CNTN5: variants seen among roughly 807,000 people sequenced by gnomAD.
CNTN5 encodes contactin-5.
CNTN5 carries 77 observed loss-of-function variants against 129.1 expected under a neutral mutation model. The ratio of observed to expected loss-of-function variants is 0.60; its 90% CI spans 0.50 to 0.72. The LOEUF is 0.72. Ranked by LOEUF, CNTN5 falls within the 30% of genes least tolerant of loss-of-function variation. The pLI, the probability that CNTN5 is intolerant of heterozygous loss-of-function variation, is 0.00. For missense variants in CNTN5, 1,478 were observed against 1,328.8 expected, an observed-to-expected ratio of 1.11 and a Z score of -1.75; for synonymous variants, 509 against 465.6, an observed-to-expected ratio of 1.09 and a Z score of -1.20.
intron 3 of CNTN5, among the ~76,000 whole-genome samples, chr11:99,639,836 T>A (rs1425722230): frequency 6.6e-6 from 1 of 152,134 alleles, no homozygotes; most frequent in Admixed American, 6.5e-5. Flanking sequence ...AGTGCTGGGA[T>A]TACCGGTGTG....
intron 9 of CNTN5, among the ~76,000 whole-genome samples, chr11:100,021,919 A>G (rs1417529841): frequency 1.3e-5 from 2 of 152,198 alleles, no homozygotes; most frequent in Non-Finnish European, 2.9e-5. Flanking sequence ...GCAGGAAGCA[A>G]CCAGCACAGG....
intron 2 of CNTN5, among the ~76,000 whole-genome samples, chr11:99,355,283 T>C (rs1938565079): frequency 1.3e-5 from 2 of 152,206 alleles, no homozygotes; most frequent in Non-Finnish European, 2.9e-5. Flanking sequence ...TTTGTTTCAA[T>C]AGCATATTGT....
chr11:100,009,423 G>T (rs1332121744), intron 9 of CNTN5, among the ~76,000 whole-genome samples: 1 of 151,108 alleles, frequency 6.6e-6, no homozygotes, highest in African/African-American at 2.4e-5. Flanking sequence ...ACAAAGGTAT[G>T]TAAAGGCTTG....
At chr11:99,889,471 A>T (rs1221868280) in intron 6 of CNTN5, among the ~76,000 whole-genome samples, 1 of 151,968 alleles carries the variant, frequency 6.6e-6, no homozygotes, top group African/African-American at 2.4e-5. Flanking sequence ...TACCATTAAA[A>T]AAAAGTCCAA....
intron 2 of CNTN5, among the ~76,000 whole-genome samples, chr11:99,431,613 A>G (rs1591045287): frequency 6.6e-6 from 1 of 152,260 alleles, no homozygotes; most frequent in East Asian, 1.9e-4. Flanking sequence ...AACCAATAGG[A>G]GTTTTGTCAT....
At chr11:99,062,660 G>T (rs1028550934) in intron 1 of CNTN5, among the ~76,000 whole-genome samples, 1 of 122,562 alleles carries the variant, frequency 8.2e-6, no homozygotes, top group Non-Finnish European at 1.8e-5. Flanking sequence ...TACCCTGCAT[G>T]CAAGCATTGA....
intron 2 of CNTN5, among the ~76,000 whole-genome samples, chr11:99,374,931 A>G (rs1038913061): frequency 4.6e-5 from 7 of 152,174 alleles, no homozygotes; most frequent in Non-Finnish European, 8.8e-5. Flanking sequence ...TAGCAGGAAA[A>G]TGGTTCTGGT....
chr11:99,539,440 A>G (rs2135490448), intron 2 of CNTN5, among the ~76,000 whole-genome samples: 3 of 152,182 alleles, frequency 2.0e-5, no homozygotes, highest in Middle Eastern at 6.8e-3. Flanking sequence ...TCCTCTCTAA[A>G]CATTAATAAT....
At chr11:100,152,163 G>C (rs12146540) in intron 13 of CNTN5, among the ~76,000 whole-genome samples, 42 of 152,106 alleles carry the variant, frequency 2.8e-4, no homozygotes, top group African/African-American at 1.0e-3. Context: ...CTTCTACAGC[G>C]ACTCATTTGT....
At chr11:100,090,126 A>G (rs1484059518) in intron 13 of CNTN5, among the ~76,000 whole-genome samples, 1 of 152,174 alleles carries the variant, frequency 6.6e-6, no homozygotes, top group Non-Finnish European at 1.5e-5. Flanking sequence ...CAATAGATAG[A>G]GAAAAACTTT....
At chr11:99,571,988 G>A (rs1265017561) in intron 3 of CNTN5, among the ~76,000 whole-genome samples, 3 of 152,062 alleles carry the variant, frequency 2.0e-5, no homozygotes, top group African/African-American at 7.2e-5. Flanking sequence ...TAATCTTAAT[G>A]AGATACGAAA....
intron 1 of CNTN5, among the ~76,000 whole-genome samples, chr11:99,153,212 T>G (rs979583487): frequency 6.6e-6 from 1 of 152,232 alleles, no homozygotes; most frequent in Non-Finnish European, 1.5e-5. Flanking sequence ...GGGGAAATTT[T>G]CATGAATGAT....
At chr11:100,231,120 T>C (rs1004401392) in intron 16 of CNTN5, among the ~76,000 whole-genome samples, 2 of 152,048 alleles carry the variant, frequency 1.3e-5, no homozygotes, top group South Asian at 2.1e-4. Flanking sequence ...TGGGACAGGA[T>C]TGGAATAAAT....
At chr11:99,619,590 C>T (rs1263056970) in intron 3 of CNTN5, among the ~76,000 whole-genome samples, 1 of 151,846 alleles carries the variant, frequency 6.6e-6, no homozygotes, top group Non-Finnish European at 1.5e-5. Flanking sequence ...TGCATCAAAA[C>T]GAGATTTAAA....
At position 99,832,159 on chromosome 11, in the gene CNTN5, T is replaced by C. The variant is rs547773385; in HGVS notation, c.277+12394T>C. ...TAAGAAAACTGCTTGAATTTGCTTT[T>C]TGTCTAACATCATTTCCATAGTCTA... On this transcript the variant is annotated intron_variant, in intron 4 of 24. Transcript: ENST00000524871. 2.0e-5 allele frequency among the ~76,000 whole-genome samples: 3 copies of C among 152,314 alleles called. No homozygotes were observed. The South Asian group carries it at 6.2e-4, about 32-fold the overall frequency.
chr11:99,153,259 T>C (rs1860162002), intron 1 of CNTN5, among the ~76,000 whole-genome samples: 1 of 152,184 alleles, frequency 6.6e-6, no homozygotes, highest in African/African-American at 2.4e-5. Flanking sequence ...TTGCTTTCTT[T>C]CTTCTTTCAG....
At chr11:99,251,797 C>T (rs188055425) in intron 1 of CNTN5, among the ~76,000 whole-genome samples, 17 of 151,904 alleles carry the variant, frequency 1.1e-4, no homozygotes, top group Non-Finnish European at 2.1e-4. Context: ...CCATACAACG[C>T]CTAAGTGGTG....
chr11:99,509,449 T>C (rs751602749), intron 2 of CNTN5, among the ~76,000 whole-genome samples: 8 of 152,206 alleles, frequency 5.3e-5, no homozygotes, highest in Middle Eastern at 3.2e-3. Context: ...TGGTGAATTC[T>C]TCTTCATGTT....
chr11:100,073,010 A>AAAAAAAAT (rs1943988608), intron 12 of CNTN5, among the ~76,000 whole-genome samples: 1 of 150,952 alleles, frequency 6.6e-6, no homozygotes, highest in African/African-American at 2.4e-5. Flanking sequence ...AAAAAAAAAA[A>AAAAAAAAT]AGTTACTTGC....
Sources: allele counts gnomAD v4.1 joint callset (sites outside exome capture counted in the v4.1 genomes callset), GRCh38; gene constraint gnomAD v4.1.1; transcripts MANE v1.5; gene names NCBI Gene and HGNC (gene_info 2026-07-23, HGNC 2026-07-21).